LRP5: variants seen among roughly 807,000 people sequenced by gnomAD.
LRP5 encodes low-density lipoprotein receptor-related protein 5.
A neutral mutation model predicts 154.1 loss-of-function variants in LRP5; 62 were observed. That is an observed-to-expected ratio of 0.40 (90% CI 0.33 to 0.50). LRP5 has a LOEUF of 0.50. Among genes scored for constraint, LRP5 ranks in the 20% least tolerant of loss-of-function variants. LRP5 has a pLI of 0.55. For synonymous variants in LRP5, 966 were observed against 1,011.5 expected (o/e 0.96, Z 0.85); for missense variants, 1,915 against 2,336.7 (o/e 0.82, Z 3.72).
Position 68,386,767 on chromosome 11 carries a change from G to C in LRP5, c.1412+55G>C. 6.4e-7 allele frequency: 1 copy of C among 1,569,978 alleles called. No individual in the cohort carries two copies. Among genetic ancestry groups the C allele is most frequent in the South Asian group, 1.1e-5 (1 of 88,098 alleles). On this transcript the variant is annotated intron_variant, in intron 6 of 22. Transcript: ENST00000294304. The surrounding 1 kb of genome is among the most constrained non-coding windows in gnomAD (Gnocchi z 7.9). ...CCAGGGCCAGGCCAAGCACAGGCGA[G>C]AGGGAGATTGACCTGGACCTGTCAT...
intron 21 of LRP5, among the ~76,000 whole-genome samples, chr11:68,443,784 G>A (rs12799732): frequency 0.012 from 1,743 of 149,922 alleles, 20 homozygotes; most frequent in Non-Finnish European, 0.016. Context: ...TTACCTTCCC[G>A]AGTAGCTGGG....
chr11:68,329,762 G>A (rs1328610521), intron 1 of LRP5, among the ~76,000 whole-genome samples: 1 of 152,184 alleles, frequency 6.6e-6, no homozygotes, highest in Non-Finnish European at 1.5e-5. Context: ...CCGGCCATCA[G>A]CGCCCCACTG....
intron 6 of LRP5, 76 bp from the exon 7 acceptor site, chr11:68,389,805 G>C: frequency 3.3e-6 from 5 of 1,516,118 alleles, no homozygotes; most frequent in Non-Finnish European, 4.6e-6. Context: ...TTGGGGGCAG[G>C]CCTTGCTCTT....
At chr11:68,417,320 C>T (rs1185256801) in intron 13 of LRP5, among the ~76,000 whole-genome samples, 1 of 152,054 alleles carries the variant, frequency 6.6e-6, no homozygotes, top group African/African-American at 2.4e-5. Flanking sequence ...TGACCCTGCG[C>T]AGTTCCCTGC....
At chr11:68,443,575 A>T (rs1457303192) in intron 21 of LRP5, among the ~76,000 whole-genome samples, 457 of 41,208 alleles carry the variant, frequency 0.011, 7 homozygotes, top group Non-Finnish European at 0.014. Context: ...ATATATATAT[A>T]TATATATATA....
chr11:68,303,796 A>G, the LRP5 span, among the ~76,000 whole-genome samples: 1 of 152,204 alleles, frequency 6.6e-6, no homozygotes, highest in Non-Finnish European at 1.5e-5. Flanking sequence ...CGTGGCCATA[A>G]ATTTTGAAGC....
chr11:68,312,764 T>G lies in LRP5; in HGVS notation c.50T>G (p.Leu17Arg). The G allele has an allele frequency of 9.2e-7, 1 of 1,091,468 alleles. No individual in the cohort carries two copies. Among genetic ancestry groups the G allele is most frequent in the South Asian group, 2.6e-5 (1 of 38,324 alleles). The allele number at this position is 1,091,468 out of a possible 1,614,324, so 67.6% of individuals were successfully genotyped here. The change falls in exon 1 of 23, where the codon CTG (leucine) becomes CGG (arginine). Residue 17 changes from leucine to arginine, a missense_variant. By Grantham distance (102) the Leu-to-Arg change is moderately radical. Around this residue, in one of 3 missense-constraint regions of LRP5, gnomAD observed 48 missense variants for 25.7 expected, o/e 1.87. Transcript: ENST00000294304. ...CCGTGGCCGCTGCTGCTGCTGCTGC[T>G]GCTGCTGCTGGCGCTGTGCGGCTGC... is the stretch of plus-strand genomic sequence containing the variant. ...GPPWPLLLLL[L>R]LLLALCGCPA... is the part of the protein sequence containing the mutation.
intron 1 of LRP5, among the ~76,000 whole-genome samples, chr11:68,327,283 G>C (rs1463668701): frequency 3.3e-5 from 5 of 152,212 alleles, no homozygotes; most frequent in Non-Finnish European, 5.9e-5. Flanking sequence ...CGGGGACGGA[G>C]GGCTTGTCCT....
chr11:68,335,559 G>A (rs565517416), intron 1 of LRP5, among the ~76,000 whole-genome samples: 3 of 152,186 alleles, frequency 2.0e-5, no homozygotes, highest in Admixed American at 1.3e-4. Context: ...GTGAGACCCT[G>A]TCTCTAAAAA....
rs1170767765 is a variant in LRP5 at position 68,365,792 on chromosome 11, T to A, written c.1015+90T>A. ...CGCCGGGGGTGCCCCAGAAGGAACC[T>A]CGGCAAACCCGTTCGAAATGATCCA... On this transcript the variant is annotated intron_variant, in intron 5 of 22. Coordinates refer to ENST00000294304, the MANE Select transcript of LRP5 (RefSeq NM_002335.4). 3 of 1,304,028 alleles carry A rather than the reference T, an allele frequency of 2.3e-6. No individual in the cohort carries two copies. The East Asian group carries it at 7.6e-5, about 33-fold the overall frequency. The allele number at this position is 1,304,028 out of a possible 1,614,324, so 80.8% of individuals were successfully genotyped here. A position where few individuals can be genotyped will look rare whatever the true frequency, so the allele number is the denominator to read the frequency against.
At chr11:68,421,709 TGTGTGTGTGTGTGTG>T (rs1414242307) in intron 13 of LRP5, among the ~76,000 whole-genome samples, 20 of 149,660 alleles carry the variant, frequency 1.3e-4, no homozygotes, top group Non-Finnish European at 2.5e-4. Context: ...TGTGTGTGTG[TGTGTGTGTGTGTGTG>T]GTGTGTGTGT....
At chr11:68,350,089 C>T (rs919803472) in intron 2 of LRP5, among the ~76,000 whole-genome samples, 6 of 152,140 alleles carry the variant, frequency 3.9e-5, no homozygotes, top group Non-Finnish European at 7.3e-5. Flanking sequence ...ATCTTCTTTG[C>T]GCAATGGCAC....
chr11:68,414,642 C>T (rs924243510), intron 12 of LRP5, among the ~76,000 whole-genome samples: 1 of 152,164 alleles, frequency 6.6e-6, no homozygotes, highest in Non-Finnish European at 1.5e-5. Context: ...TTCCTGTTGG[C>T]GGGCTCTTCC....
At chr11:68,421,735 GGTGTGT>G (rs145446201) in intron 13 of LRP5, among the ~76,000 whole-genome samples, 5 of 146,970 alleles carry the variant, frequency 3.4e-5, no homozygotes, top group African/African-American at 1.3e-4. Context: ...GTGTGTGTGT[GGTGTGT>G]GTGTGTGTAT....
intron 5 of LRP5, among the ~76,000 whole-genome samples, chr11:68,372,581 C>T (rs1272360404): frequency 6.6e-6 from 1 of 151,918 alleles, no homozygotes; most frequent in Non-Finnish European, 1.5e-5. Context: ...GTGACTTAAC[C>T]TCTCTGTGCT....
intron 1 of LRP5, among the ~76,000 whole-genome samples, chr11:68,327,204 C>A (rs2098600208): frequency 2.0e-5 from 3 of 152,238 alleles, no homozygotes; most frequent in Admixed American, 2.0e-4. Flanking sequence ...ACGGTTCTTG[C>A]CCCTGAGAAG....
chr11:68,419,418 T>A (rs1012044773), intron 13 of LRP5, among the ~76,000 whole-genome samples: 32 of 151,830 alleles, frequency 2.1e-4, no homozygotes, highest in Non-Finnish European at 4.4e-4. Context: ...ATTTTTTTTT[T>A]ATTGTAGAGA....
At chr11:68,426,688 G>T (rs2098668970) in intron 16 of LRP5, among the ~76,000 whole-genome samples, 1 of 152,118 alleles carries the variant, frequency 6.6e-6, no homozygotes, top group South Asian at 2.1e-4. Context: ...CTCCCAAAGT[G>T]CTAGGATTAT....
chr11:68,423,411 C>T lies in LRP5; in HGVS notation c.3028-78C>T. ...GGTCTCCACCAGTGCCCGGGGGTCT[C>T]CGCCAGTGCCAGGGGTCTCCGCCAG... is the stretch of plus-strand genomic sequence containing the variant. On this transcript the variant is annotated intron_variant, in intron 13 of 22. Transcript: ENST00000294304. The surrounding 1 kb of genome is among the most constrained non-coding windows in gnomAD (Gnocchi z 4.7). 7.2e-7 allele frequency: 1 copy of T among 1,390,956 alleles called. No homozygotes were observed. Among genetic ancestry groups the T allele is most frequent in the East Asian group, 2.3e-5 (1 of 43,860 alleles). The allele number at this position is 1,390,956 out of a possible 1,614,324, so 86.2% of individuals were successfully genotyped here.
Sources: allele counts gnomAD v4.1 joint callset (sites outside exome capture counted in the v4.1 genomes callset), GRCh38; gene constraint gnomAD v4.1.1; regional missense constraint gnomAD v4.1.1; non-coding constraint Gnocchi (gnomAD v3.1); transcripts MANE v1.5; gene names NCBI Gene and HGNC (gene_info 2026-07-23, HGNC 2026-07-21).